Variants in BRSK2 observed in about 807,000 individuals in gnomAD.
BRSK2 encodes the protein serine/threonine-protein kinase BRSK2.
A neutral mutation model predicts 83.3 loss-of-function variants in BRSK2; 19 were observed. That is an observed-to-expected ratio of 0.23 (90% CI 0.16 to 0.33). BRSK2 has a LOEUF of 0.33. Among genes scored for constraint, BRSK2 ranks in the 10% least tolerant of loss-of-function variants. BRSK2 has a pLI of 1.00. For missense variants in BRSK2, 798 were observed against 1,042.3 expected (o/e 0.77, Z 3.23); for synonymous variants, 519 against 435.4 (o/e 1.19, Z -2.39).
Position 1,456,538 on chromosome 11 carries a change from C to T in BRSK2, c.1849+10C>T, listed in dbSNP as rs67861777. On this transcript the variant is annotated intron_variant, in intron 17 of 19. Transcript: ENST00000528841. The stretch of plus-strand genomic sequence containing the variant: ...TTCACCCTGCTCTCAGGTGAGCTGG[C>T]GCCCCCAGGGCGGCTCCGGGCCCAG... 380,727 of 1,587,584 alleles carry T rather than the reference C, an allele frequency of 0.24. 48,197 individuals carry two copies. The highest frequency in any genetic ancestry group is 0.27 in the Middle Eastern group (1,573 of 5,930).
chr11:1,448,141 G>A (rs1004807637), intron 12 of BRSK2, among the ~76,000 whole-genome samples: 18 of 152,186 alleles, frequency 1.2e-4, no homozygotes, highest in African/African-American at 2.2e-4. Flanking sequence ...AGGCCGAGCC[G>A]CTCCTCCTGC....
chr11:1,436,683 T>A (rs1005628605), intron 2 of BRSK2, among the ~76,000 whole-genome samples: 4 of 151,830 alleles, frequency 2.6e-5, no homozygotes, highest in African/African-American at 9.7e-5. Flanking sequence ...TGACCCTGGG[T>A]GTAGAGGAAG....
At chr11:1,451,192 C>T in intron 14 of BRSK2, among the ~76,000 whole-genome samples, 179 bp from the exon 15 acceptor site, 1 of 152,272 alleles carries the variant, frequency 6.6e-6, no homozygotes, top group Non-Finnish European at 1.5e-5. Context: ...CTGGGGGGCG[C>T]CACTGCCAGT....
At chr11:1,453,281 T>C (rs1364368852) in intron 15 of BRSK2, among the ~76,000 whole-genome samples, 1 of 152,226 alleles carries the variant, frequency 6.6e-6, no homozygotes, top group Non-Finnish European at 1.5e-5. Flanking sequence ...CTGGCCTCCC[T>C]GGGCCGTCAG....
chr11:1,400,921 C>T (rs566314002), intron 1 of BRSK2, among the ~76,000 whole-genome samples: 12 of 152,354 alleles, frequency 7.9e-5, no homozygotes, highest in Admixed American at 2.0e-4. Flanking sequence ...TGGCTGCCGG[C>T]GGCGGGGCCG....
intron 1 of BRSK2, among the ~76,000 whole-genome samples, chr11:1,402,944 C>T (rs748711146): frequency 3.5e-4 from 54 of 152,258 alleles, no homozygotes; most frequent in Middle Eastern, 3.4e-3. Context: ...GGATTTGTGA[C>T]TCATCGTAAA....
intron 1 of BRSK2, among the ~76,000 whole-genome samples, chr11:1,422,084 C>T (rs12803212): frequency 0.26 from 39,604 of 151,910 alleles, 5,322 homozygotes; most frequent in South Asian, 0.4. Context: ...CGGGTGTATT[C>T]GAGGCGGGGT....
chr11:1,452,603 A>G (rs1208690668), intron 15 of BRSK2, among the ~76,000 whole-genome samples: 2 of 151,676 alleles, frequency 1.3e-5, no homozygotes. Context: ...GATGCCTCCC[A>G]CAGCCCCACC....
intron 19 of BRSK2, 102 bp downstream of exon 19, chr11:1,459,341 C>T (rs1441958174): frequency 1.4e-6 from 2 of 1,385,970 alleles, no homozygotes; most frequent in Non-Finnish European, 2.0e-6. Flanking sequence ...TCCCGGCCTC[C>T]CTGTGTAGAT....
At chr11:1,456,556 G>GGGCCCA (rs765917720) in intron 17 of BRSK2, 28 bp downstream of exon 17, 48 of 1,601,198 alleles carry the variant, frequency 3.0e-5, no homozygotes, top group Admixed American at 1.5e-4. Flanking sequence ...GGGCGGCTCC[G>GGGCCCA]GGCCCAGGCC....
chr11:1,453,612 G>A (rs894140898), intron 15 of BRSK2, among the ~76,000 whole-genome samples: 3 of 152,214 alleles, frequency 2.0e-5, no homozygotes, highest in African/African-American at 7.2e-5. Context: ...GTGCTTGTCC[G>A]GCAGGACTCC....
chr11:1,406,843 C>T (rs577308940), intron 1 of BRSK2, among the ~76,000 whole-genome samples: 1 of 152,334 alleles, frequency 6.6e-6, no homozygotes, highest in East Asian at 1.9e-4. Context: ...CCACGAGGTA[C>T]ACGCATGTGT....
rs1165370064 is a variant in BRSK2, at chr11:1,400,719, G to A, written c.91+10344G>A. 3.3e-5 allele frequency among the ~76,000 whole-genome samples: 5 copies of A among 152,224 alleles called. No homozygotes were observed. In the South Asian group the frequency reaches 8.3e-4, roughly 25 times the overall value. Reference sequence around the variant, plus strand: ...TCAGCTGTGTTCTCCATTGTGGTCGGGGGTGGGGGCAGGTAGTGGAGGACC... The same window carrying A: ...TCAGCTGTGTTCTCCATTGTGGTCGAGGGTGGGGGCAGGTAGTGGAGGACC... On this transcript the variant is annotated intron_variant, in intron 1 of 19. Transcript: ENST00000528841.
chr11:1,404,765 A>C (rs996823086), intron 1 of BRSK2, among the ~76,000 whole-genome samples: 1 of 152,016 alleles, frequency 6.6e-6, no homozygotes, highest in African/African-American at 2.4e-5. Flanking sequence ...CCCGCTACCC[A>C]CTGCCCACTA....
In BRSK2 at chr11:1,390,539, G is replaced by C. The variant is rs910745078; in HGVS notation, c.91+164G>C. Among the ~76,000 whole-genome samples the C allele has an allele frequency of 7.1e-6, 1 of 140,616 alleles. No homozygotes were observed. The highest frequency in any genetic ancestry group is 1.5e-5 in the Non-Finnish European group (1 of 64,574). The allele number at this position is 140,616 out of a possible 152,430, so 92.2% of individuals were successfully genotyped here. ...GCGCCCCCGTCCGCTCGTGCGCCCC[G>C]GTTCCGCCGCGGATCCCGCAGGCCG... On this transcript the variant is annotated intron_variant, in intron 1 of 19. Coordinates refer to ENST00000528841, the MANE Select transcript of BRSK2 (RefSeq NM_001256627.2). This position sits in a 1 kb window ranked among gnomAD's most constrained non-coding sequence, Gnocchi z 6.8.
Position 1,461,370 on chromosome 11 carries a change from T to C in BRSK2, c.*647T>C, listed in dbSNP as rs996235536. The C allele has an allele frequency of 2.6e-5, 8 of 308,764 alleles. No homozygotes were observed. The highest frequency in any genetic ancestry group is 4.8e-5 in the Non-Finnish European group (8 of 166,264). 19.1% of individuals were successfully genotyped at this position (308,764 alleles called of 1,614,324 possible). A position where few individuals can be genotyped will look rare whatever the true frequency, so the allele number is the denominator to read the frequency against. On this transcript the variant is annotated 3_prime_UTR_variant, in exon 20 of 20. Coordinates refer to ENST00000528841, the MANE Select transcript of BRSK2 (RefSeq NM_001256627.2). ...CCCTGGCTGCGCCGCCTCCGTGTAG[T>C]CTTGGCCTCCTCAGGCTGCCTCCCG...
chr11:1,450,295 G>A (rs1034162463), intron 13 of BRSK2, among the ~76,000 whole-genome samples: 9 of 149,182 alleles, frequency 6.0e-5, no homozygotes, highest in Non-Finnish European at 1.0e-4. Flanking sequence ...CCACCTCCAC[G>A]GAGCCCGAAG....
intron 4 of BRSK2, 82 bp from the exon 5 acceptor site, chr11:1,442,408 G>T: frequency 9.6e-7 from 1 of 1,046,672 alleles, no homozygotes; most frequent in Non-Finnish European, 1.5e-6. Context: ...GAGGCAGTGG[G>T]CTCTGGGCAG....
intron 1 of BRSK2, among the ~76,000 whole-genome samples, chr11:1,419,182 T>G (rs1848405191): frequency 6.9e-6 from 1 of 144,662 alleles, no homozygotes; most frequent in Admixed American, 6.9e-5. Flanking sequence ...GTTTGTGGGC[T>G]CTGCAGGTGC....
Sources: gnomAD v4.1 joint callset for allele counts (sites outside exome capture counted in the v4.1 genomes callset) on GRCh38, gnomAD v4.1.1 for gene constraint, Gnocchi (gnomAD v3.1) non-coding constraint, MANE v1.5 for transcripts, NCBI Gene and HGNC (gene_info 2026-07-23, HGNC 2026-07-21) for gene names.